EIF3G: variants seen among roughly 807,000 people sequenced by gnomAD.
EIF3G encodes eukaryotic translation initiation factor 3 RNA-binding subunit.
EIF3G carries 10 observed loss-of-function variants against 41.7 expected under a neutral mutation model. The observed-to-expected ratio is 0.24, with a 90% CI of 0.15 to 0.41. The LOEUF is 0.41. Ranked by LOEUF, EIF3G falls within the 10% of genes least tolerant of loss-of-function variation. EIF3G has a pLI of 1.00. For synonymous variants in EIF3G, 204 were observed against 172.5 expected (o/e 1.18, Z -1.43); for missense variants, 297 against 444.0 (o/e 0.67, Z 2.98).
chr19:10,119,561 G>T, intron 2 of EIF3G, 93 bp downstream of exon 2: 1 of 1,433,808 alleles, frequency 7.0e-7, no homozygotes, highest in Non-Finnish European at 9.5e-7. Context: ...GACCGTGACG[G>T]GGTACACGGT....
rs1235059045 is a variant in EIF3G, at chr19:10,116,670, A to C, written c.595+130T>G. ...CCATAGGAGGTACAGCCAATTAGGA[A>C]GGCACAGACGCCCCGAGGAGAGTCT... is the stretch of plus-strand genomic sequence containing the variant. On this transcript the variant is annotated intron_variant, in intron 7 of 10. Transcript: ENST00000253108. The surrounding 1 kb of genome is among the most constrained non-coding windows in gnomAD (Gnocchi z 4.1). 3.3e-6 allele frequency: 3 copies of C among 911,438 alleles called. No individual in the cohort carries two copies. The highest frequency in any genetic ancestry group is 4.9e-5 in the Admixed American group (2 of 41,018). 56.5% of individuals were successfully genotyped at this position (911,438 alleles called of 1,614,324 possible).
intron 9 of EIF3G, 44 bp downstream of exon 9, chr19:10,115,640 A>AAGTGACCCTCACAC (rs1192316947): frequency 6.2e-7 from 1 of 1,610,724 alleles, no homozygotes; most frequent in African/African-American, 1.3e-5. Context: ...ACCCTAGGAC[A>AAGTGACCCTCACAC]AGTGACCCTC....
In EIF3G at chr19:10,116,092, G is replaced by A. The variant is rs369220670; in HGVS notation, c.596-18C>T. The A allele has an allele frequency of 9.9e-6, 16 of 1,611,412 alleles. No individual in the cohort carries two copies. Among genetic ancestry groups the A allele is most frequent in the African/African-American group, 2.7e-5 (2 of 74,900 alleles). ...CTCTAGCTCTGGGGACCAAAAGACA[G>A]TCAAGTTCAACCTCACTGTGGCGCA... On this transcript the variant is annotated intron_variant, in intron 7 of 10. Coordinates refer to ENST00000253108, the MANE Select transcript of EIF3G (RefSeq NM_003755.5). This position sits in a 1 kb window ranked among gnomAD's most constrained non-coding sequence, Gnocchi z 4.1.
intron 9 of EIF3G, 48 bp from the exon 10 acceptor site, chr19:10,115,633 C>T (rs375004089): frequency 1.2e-6 from 2 of 1,612,006 alleles, no homozygotes; most frequent in African/African-American, 1.3e-5. Context: ...ACAGGCGACC[C>T]TAGGACAAGT....
In EIF3G at chr19:10,118,703, T is replaced by C. The variant is rs780544207; in HGVS notation, c.265A>G (p.Thr89Ala). Residue 89 changes from threonine to alanine, a missense_variant, in exon 5 of 11, where the codon ACC (threonine) becomes GCC (alanine). Thr to Ala is a moderately conservative substitution (Grantham distance 58, BLOSUM62 0). Around this residue, in one of 4 missense-constraint regions of EIF3G, gnomAD observed 147 missense variants for 162.4 expected, o/e 0.91. Coordinates refer to ENST00000253108, the MANE Select transcript of EIF3G (RefSeq NM_003755.5). ...GCGACAGCCTTTGAAGCCTTCCGGG[T>C]CTCAATCCTGAAGGTGCGGACAATC... ...FKIVRTFRIE[T>A]RKASKAVARR... is the part of the protein sequence containing the mutation. 29 of 1,613,716 alleles carry C rather than the reference T, an allele frequency of 1.8e-5. No individual in the cohort carries two copies. Among genetic ancestry groups the C allele is most frequent in the Non-Finnish European group, 2.5e-5 (29 of 1,179,976 alleles).
rs1183806854 is a variant in EIF3G at position 10,119,113 on chromosome 19, G to A, written c.126C>T (p.Ser42=). 1 of 1,602,492 alleles carries A rather than the reference G, an allele frequency of 6.2e-7. No homozygotes were observed. Among genetic ancestry groups the A allele is most frequent in the Non-Finnish European group, 8.5e-7 (1 of 1,173,998 alleles). Residue 42 remains serine (S), a synonymous_variant, in exon 3 of 11, where the codon AGC becomes AGT. Coordinates refer to ENST00000253108, the MANE Select transcript of EIF3G (RefSeq NM_003755.5). ...KGIPLATGDT[S]PEPELLPGAP... is the part of the protein sequence containing the mutation. Reference sequence around the variant, plus strand: ...CTCCCGGCAGTAGCTCTGGCTCTGGGCTGGTGTCACCTGTGGCCAGAGGGA... The same window carrying A: ...CTCCCGGCAGTAGCTCTGGCTCTGGACTGGTGTCACCTGTGGCCAGAGGGA...
At chr19:10,119,196 G>A (rs1180881617) in intron 2 of EIF3G, 25 bp from the exon 3 acceptor site, 4 of 1,559,018 alleles carry the variant, frequency 2.6e-6, no homozygotes, top group Non-Finnish European at 3.5e-6. Flanking sequence ...GTAGGAAGGA[G>A]GAGTCAGCTC....
At chr19:10,115,204 G>T in intron 10 of EIF3G, 75 bp from the exon 11 acceptor site, 3 of 1,572,858 alleles carry the variant, frequency 1.9e-6, no homozygotes, top group Non-Finnish European at 2.6e-6. Flanking sequence ...GTGGCATCTT[G>T]GGGGTGGGTG....
At chr19:10,118,458 G>A (rs548993923) in intron 5 of EIF3G, 31 of 567,650 alleles carry the variant, frequency 5.5e-5, no homozygotes, top group South Asian at 4.3e-4. Context: ...CCAGCTACTC[G>A]GGAGGCTGAG....
At chr19:10,115,158 G>C (rs1244142449) in intron 10 of EIF3G, 29 bp from the exon 11 acceptor site, 3 of 1,612,922 alleles carry the variant, frequency 1.9e-6, no homozygotes, top group Non-Finnish European at 2.5e-6. Flanking sequence ...GCAGGTATAA[G>C]ACTTCTGGGG....
Position 10,116,512 on chromosome 19 carries a change from C to G in EIF3G, c.595+288G>C. Reference sequence around the variant, plus strand: ...GCATGCAACGGAGACACTATACACACAGTGCGCACACACGATGTGGGGTGG... The same window carrying G: ...GCATGCAACGGAGACACTATACACAGAGTGCGCACACACGATGTGGGGTGG... On this transcript the variant is annotated intron_variant, in intron 7 of 10. Transcript: ENST00000253108. This position sits in a 1 kb window ranked among gnomAD's most constrained non-coding sequence, Gnocchi z 4.1. The G allele has an allele frequency of 1.9e-6, 1 of 515,046 alleles. No individual in the cohort carries two copies. The highest frequency in any genetic ancestry group is 3.4e-5 in the Admixed American group (1 of 29,146). 31.9% of individuals were successfully genotyped at this position (515,046 alleles called of 1,614,324 possible).
In EIF3G at chr19:10,116,163, A is replaced by T; in HGVS notation, c.596-89T>A. 1 of 1,336,622 alleles carries T rather than the reference A, an allele frequency of 7.5e-7. No homozygotes were observed. The highest frequency in any genetic ancestry group is 1.0e-6 in the Non-Finnish European group (1 of 966,396). The allele number at this position is 1,336,622 out of a possible 1,614,324, so 82.8% of individuals were successfully genotyped here. ...CCAGGAAGCTCGGGCTTCAGTGTTG[A>T]GCCAGCGCAGGCACTGTGTGCCAAA... On this transcript the variant is annotated intron_variant, in intron 7 of 10. Transcript: ENST00000253108. The surrounding 1 kb of genome is among the most constrained non-coding windows in gnomAD (Gnocchi z 4.1).
At position 10,119,884 on chromosome 19, in the gene EIF3G, C is replaced by T. The variant is rs1356673002; in HGVS notation, c.-25G>A. On this transcript the variant is annotated 5_prime_UTR_variant, in exon 1 of 11. Transcript: ENST00000253108. ...TCGCAAAAAGTATTCTCCACGCAGC[C>T]CAAGCCCGGCCAGAGAGCGGAAGCG... 2.5e-6 allele frequency: 4 copies of T among 1,613,994 alleles called. No individual in the cohort carries two copies. Among genetic ancestry groups the T allele is most frequent in the Non-Finnish European group, 3.4e-6 (4 of 1,180,040 alleles).
At chr19:10,117,263 A>C in intron 5 of EIF3G, 75 bp from the exon 6 acceptor site, 1 of 1,063,804 alleles carries the variant, frequency 9.4e-7, no homozygotes, top group Non-Finnish European at 1.4e-6. Flanking sequence ...CCCTAGACCT[A>C]CAACAGCCAC....
At position 10,116,143 on chromosome 19, in the gene EIF3G, A is replaced by G. The variant is rs779974014; in HGVS notation, c.596-69T>C. The G allele has an allele frequency of 7.8e-5, 116 of 1,485,102 alleles. No homozygotes were observed. The highest frequency in any genetic ancestry group is 1.0e-4 in the Non-Finnish European group (114 of 1,086,058). The allele number at this position is 1,485,102 out of a possible 1,614,324, so 92.0% of individuals were successfully genotyped here. A position where few individuals can be genotyped will look rare whatever the true frequency, so the allele number is the denominator to read the frequency against. ...GGCGTGGGGACAGAGCCGCCCCAGG[A>G]AGCTCGGGCTTCAGTGTTGAGCCAG... On this transcript the variant is annotated intron_variant, in intron 7 of 10. Coordinates refer to ENST00000253108, the MANE Select transcript of EIF3G (RefSeq NM_003755.5). This position sits in a 1 kb window ranked among gnomAD's most constrained non-coding sequence, Gnocchi z 4.1.
chr19:10,118,490 A>G, intron 5 of EIF3G, 178 bp downstream of exon 5: 2 of 649,882 alleles, frequency 3.1e-6, no homozygotes, highest in Non-Finnish European at 5.2e-6. Flanking sequence ...ACTTGAACCC[A>G]GGAGGCGGAG....
In EIF3G at chr19:10,115,133, G is replaced by C. The variant is rs2089217673; in HGVS notation, c.948-4C>G. 1 of 1,613,920 alleles carries C rather than the reference G, an allele frequency of 6.2e-7. No homozygotes were observed. Among genetic ancestry groups the C allele is most frequent in the African/African-American group, 1.3e-5 (1 of 75,066 alleles). On this transcript the variant is annotated splice_polypyrimidine_tract_variant and splice_region_variant and intron_variant, in intron 10 of 10. Transcript: ENST00000253108. ...GCTGGCTTAGTTGGTGGACGGCCTG[G>C]GGTAGGGGAGGGTGGCAGGTATAAG...
chr19:10,119,519 G>T, intron 2 of EIF3G, 135 bp downstream of exon 2: 1 of 1,171,296 alleles, frequency 8.5e-7, no homozygotes, highest in Non-Finnish European at 1.2e-6. Flanking sequence ...GCAACAGGCG[G>T]GTCCCAAGGA....
In EIF3G at chr19:10,116,083, CAA is replaced by C. The variant is rs957206017; in HGVS notation, c.596-11_596-10del. On this transcript the variant is annotated splice_polypyrimidine_tract_variant and intron_variant, in intron 7 of 10. Transcript: ENST00000253108. The surrounding 1 kb of genome is among the most constrained non-coding windows in gnomAD (Gnocchi z 4.1). ...CTGCACCGGCTCTAGCTCTGGGGAC[CAA>C]AAGACAGTCAAGTTCAACCTCACTG... 3.1e-6 allele frequency: 5 copies of C among 1,612,756 alleles called. No homozygotes were observed. The highest frequency in any genetic ancestry group is 1.1e-5 in the South Asian group (1 of 90,842).
Sources: allele counts gnomAD v4.1 joint callset, GRCh38; gene constraint gnomAD v4.1.1; regional missense constraint gnomAD v4.1.1; non-coding constraint Gnocchi (gnomAD v3.1); transcripts MANE v1.5; gene names NCBI Gene and HGNC (gene_info 2026-07-23, HGNC 2026-07-21).